The following CDH4 variants were observed in gnomAD, a reference collection of about 807,000 sequenced individuals.
CDH4 encodes the protein cadherin 4, also known as cadherin-4.
CDH4 carries 33 observed loss-of-function variants against 86.0 expected under a neutral mutation model. That is an observed-to-expected ratio of 0.38 (90% CI 0.29 to 0.51). CDH4 has a LOEUF of 0.51. Among genes scored for constraint, CDH4 ranks in the 20% least tolerant of loss-of-function variants. The probability of loss-of-function intolerance (pLI) is 0.86; values close to 1 mark genes in which losing one functional copy is unlikely to be tolerated. For missense variants in CDH4, 1,114 were observed against 1,307.4 expected (o/e 0.85, Z 2.28); for synonymous variants, 555 against 549.4 (o/e 1.01, Z -0.14).
chr20:61,269,974 C>G lies in CDH4; in HGVS notation c.169+15037C>G, dbSNP rs554578841. ...TGTGGAGAGGGCCGGCCGACCTTTG[C>G]GGCAGTCATTTTTCCATCAGAAGGT... On this transcript the variant is annotated intron_variant, in intron 2 of 15. Transcript: ENST00000614565. This position sits in a 1 kb window ranked among gnomAD's most constrained non-coding sequence, Gnocchi z 5.3. Among the ~76,000 whole-genome samples the G allele has an allele frequency of 6.6e-6, 1 of 152,180 alleles. No individual in the cohort carries two copies. Among genetic ancestry groups the G allele is most frequent in the Non-Finnish European group, 1.5e-5 (1 of 68,034 alleles).
intron 4 of CDH4, among the ~76,000 whole-genome samples, chr20:61,802,415 A>T (rs1230415184): frequency 6.6e-6 from 1 of 152,178 alleles, no homozygotes; most frequent in Non-Finnish European, 1.5e-5. Flanking sequence ...GTGCCTGAGA[A>T]AGTATGTGAG....
At chr20:61,548,878 G>T (rs1568887960) in intron 2 of CDH4, among the ~76,000 whole-genome samples, 1 of 152,142 alleles carries the variant, frequency 6.6e-6, no homozygotes, top group Non-Finnish European at 1.5e-5. Flanking sequence ...AGTGAGAAAA[G>T]ATGGCTCGTT....
Position 61,516,922 on chromosome 20 carries a change from G to A in CDH4, c.170-226641G>A, listed in dbSNP as rs1010889870. Among the ~76,000 whole-genome samples the A allele has an allele frequency of 9.2e-5, 14 of 152,154 alleles. No individual in the cohort carries two copies. The highest frequency in any genetic ancestry group is 3.4e-4 in the African/African-American group (14 of 41,426). On this transcript the variant is annotated intron_variant, in intron 2 of 15. Coordinates refer to ENST00000614565, the MANE Select transcript of CDH4 (RefSeq NM_001794.5). This position sits in a 1 kb window ranked among gnomAD's most constrained non-coding sequence, Gnocchi z 4.0. ...CTGTCAACTTTTCAACTCCTCCAGC[G>A]AGTCCTGTGTTTGTAACATGGGGTG...
intron 4 of CDH4, among the ~76,000 whole-genome samples, chr20:61,774,153 C>G (rs556330440): frequency 6.6e-6 from 1 of 152,368 alleles, no homozygotes; most frequent in South Asian, 2.1e-4. Context: ...CTGCACAGAG[C>G]CGGCCCTCCC....
Position 61,389,690 on chromosome 20 carries a change from CAG to C in CDH4, c.169+134754_169+134755del, listed in dbSNP as rs576679506. Among the ~76,000 whole-genome samples the C allele has an allele frequency of 3.4e-4, 51 of 152,016 alleles. No homozygotes were observed. The East Asian group carries it at 9.2e-3, about 28-fold the overall frequency. ...CTGGAGGCATTTTTCGTTGTCACAT[CAG>C]GGGGTGAGAACAATTGGCACCTGGT... is the stretch of plus-strand genomic sequence containing the variant. On this transcript the variant is annotated intron_variant, in intron 2 of 15. Transcript: ENST00000614565.
chr20:61,556,004 G>A (rs2145680240), intron 2 of CDH4, among the ~76,000 whole-genome samples: 1 of 152,308 alleles, frequency 6.6e-6, no homozygotes, highest in Non-Finnish European at 1.5e-5. Flanking sequence ...GTGGCTCTGA[G>A]CACGAAGCCG....
At chr20:61,761,800 T>G (rs1042221036) in intron 3 of CDH4, among the ~76,000 whole-genome samples, 1 of 152,126 alleles carries the variant, frequency 6.6e-6, no homozygotes, top group Non-Finnish European at 1.5e-5. Flanking sequence ...CCCAGAACCT[T>G]CCATCCTGAG....
chr20:61,512,139 C>T (rs191458745), intron 2 of CDH4, among the ~76,000 whole-genome samples: 3 of 152,206 alleles, frequency 2.0e-5, no homozygotes, highest in Admixed American at 1.3e-4. Flanking sequence ...TAAACTGGGG[C>T]GAGGCTCCTG....
At chr20:61,847,805 G>A (rs907189481) in intron 5 of CDH4, among the ~76,000 whole-genome samples, 1 of 151,928 alleles carries the variant, frequency 6.6e-6, no homozygotes, top group Non-Finnish European at 1.5e-5. Flanking sequence ...AGAGAGGGAC[G>A]GAGGTGCCAA....
At position 61,582,926 on chromosome 20, in the gene CDH4, G is replaced by A. The variant is rs1163812955; in HGVS notation, c.170-160637G>A. Among the ~76,000 whole-genome samples the A allele has an allele frequency of 1.3e-5, 2 of 152,108 alleles. No homozygotes were observed. The highest frequency in any genetic ancestry group is 6.5e-5 in the Admixed American group (1 of 15,298). On this transcript the variant is annotated intron_variant, in intron 2 of 15. Coordinates refer to ENST00000614565, the MANE Select transcript of CDH4 (RefSeq NM_001794.5). This position sits in a 1 kb window ranked among gnomAD's most constrained non-coding sequence, Gnocchi z 4.2. Reference sequence around the variant, plus strand: ...AGAAACTCCACACCCTTGGCTGTCCGCCTTCTGCGCCCCCATGGCCCCCGG... The same window carrying A: ...AGAAACTCCACACCCTTGGCTGTCCACCTTCTGCGCCCCCATGGCCCCCGG...
chr20:61,624,438 A>G (rs1005286729), intron 2 of CDH4, among the ~76,000 whole-genome samples: 3 of 152,186 alleles, frequency 2.0e-5, no homozygotes, highest in African/African-American at 2.4e-5. Flanking sequence ...GATGCACCCC[A>G]GGAGAGAGGC....
chr20:61,528,092 C>T, intron 2 of CDH4, among the ~76,000 whole-genome samples: 1 of 151,966 alleles, frequency 6.6e-6, no homozygotes. Context: ...GAAGAAAAAA[C>T]AGGCTGGGTG....
chr20:61,555,306 G>A (rs746164718), intron 2 of CDH4, among the ~76,000 whole-genome samples: 2 of 152,240 alleles, frequency 1.3e-5, no homozygotes, highest in African/African-American at 4.8e-5. Context: ...TGGCGAGGAT[G>A]CGGAGTGAAG....
intron 4 of CDH4, among the ~76,000 whole-genome samples, chr20:61,832,796 G>A (rs1393321265): frequency 1.3e-5 from 2 of 152,136 alleles, no homozygotes; most frequent in African/African-American, 4.8e-5. Context: ...CATACCACCT[G>A]GGGTACTGCC....
intron 2 of CDH4, among the ~76,000 whole-genome samples, chr20:61,435,423 G>A (rs1568843647): frequency 6.6e-6 from 1 of 152,272 alleles, no homozygotes; most frequent in Non-Finnish European, 1.5e-5. Flanking sequence ...TCCCTAGGGG[G>A]GCTCTGCTGG....
chr20:61,385,121 C>T (rs369035902), intron 2 of CDH4, among the ~76,000 whole-genome samples: 1 of 152,146 alleles, frequency 6.6e-6, no homozygotes, highest in Non-Finnish European at 1.5e-5. Context: ...CCGGCACCAA[C>T]TAGGTGTGGT....
intron 2 of CDH4, among the ~76,000 whole-genome samples, chr20:61,465,846 G>A (rs1438536039): frequency 6.6e-6 from 1 of 151,060 alleles, no homozygotes; most frequent in Admixed American, 6.6e-5. Flanking sequence ...TTTATAGGGT[G>A]TAAATAGGAC....
intron 2 of CDH4, among the ~76,000 whole-genome samples, chr20:61,686,442 C>T (rs560050521): frequency 1.6e-4 from 23 of 145,812 alleles, no homozygotes; most frequent in Middle Eastern, 3.8e-3. Context: ...TGTGCGTGTG[C>T]GTGTGCATTC....
intron 4 of CDH4, among the ~76,000 whole-genome samples, chr20:61,805,626 G>A (rs547472951): frequency 4.3e-4 from 65 of 152,214 alleles, no homozygotes; most frequent in Non-Finnish European, 7.1e-4. Context: ...CACCTGGGGA[G>A]CATTCGACTG....
Sources: allele counts gnomAD v4.1 joint callset (sites outside exome capture counted in the v4.1 genomes callset), GRCh38; gene constraint gnomAD v4.1.1; non-coding constraint Gnocchi (gnomAD v3.1); transcripts MANE v1.5; gene names NCBI Gene and HGNC (gene_info 2026-07-23, HGNC 2026-07-21).